The following SPATA13 variants were observed in gnomAD, a reference collection of about 807,000 sequenced individuals.
SPATA13 encodes the protein spermatogenesis-associated protein 13.
In SPATA13, 50 loss-of-function variants were observed where a neutral mutation model predicts 104.0. The observed-to-expected ratio is 0.48, with a 90% CI of 0.38 to 0.61. SPATA13 has a LOEUF of 0.61. SPATA13 is among the 20% of genes least tolerant of loss of function. The probability of loss-of-function intolerance (pLI) is 0.00; values close to 1 mark genes in which losing one functional copy is unlikely to be tolerated. For missense variants in SPATA13, 1,524 were observed against 1,690.6 expected, an observed-to-expected ratio of 0.90 and a Z score of 1.73; for synonymous variants, 606 against 667.5, an observed-to-expected ratio of 0.91 and a Z score of 1.42.
chr13:24,118,481 C>A (rs1449173799), intron 3 of SPATA13, among the ~76,000 whole-genome samples: 4 of 152,188 alleles, frequency 2.6e-5, no homozygotes, highest in Non-Finnish European at 4.4e-5. Flanking sequence ...AGAATCATTA[C>A]AAAGCACATG....
At chr13:24,279,285 G>A (rs1338273213) in intron 4 of SPATA13, among the ~76,000 whole-genome samples, 1 of 152,156 alleles carries the variant, frequency 6.6e-6, no homozygotes, top group Admixed American at 6.5e-5. Flanking sequence ...GAGTGCCTGC[G>A]GTCTTTGCAG....
chr13:24,206,306 A>C (rs1226475039), intron 1 of SPATA13, among the ~76,000 whole-genome samples: 1 of 152,202 alleles, frequency 6.6e-6, no homozygotes, highest in East Asian at 1.9e-4. Flanking sequence ...ACAAAACATG[A>C]AAAAAAGCTC....
In SPATA13 at chr13:24,296,463, C is replaced by T. The variant is rs143952386; in HGVS notation, c.3211-900C>T. ...GTGTGTTTTTCTTTTTGATTTTGGA[C>T]GCTGACATTTAGGGGATAATTTGTC... On this transcript the variant is annotated intron_variant, in intron 10 of 12. Coordinates refer to ENST00000382108, the MANE Select transcript of SPATA13 (RefSeq NM_001166271.3). Among the ~76,000 whole-genome samples the T allele has an allele frequency of 2.7e-3, 412 of 152,276 alleles. 5 individuals carry two copies. The highest frequency in any genetic ancestry group is 9.3e-3 in the African/African-American group (388 of 41,544).
At chr13:24,099,055 T>C (rs1297807956) in intron 3 of SPATA13, among the ~76,000 whole-genome samples, 1 of 152,204 alleles carries the variant, frequency 6.6e-6, no homozygotes, top group Non-Finnish European at 1.5e-5. Flanking sequence ...GCTTCACTCC[T>C]GCCTAGGTGA....
chr13:24,207,354 C>T (rs868495421), intron 1 of SPATA13, among the ~76,000 whole-genome samples: 2 of 152,166 alleles, frequency 1.3e-5, no homozygotes, highest in Non-Finnish European at 2.9e-5. Flanking sequence ...CTGCACATCC[C>T]GCACATGTAC....
At chr13:24,018,993 A>C (rs1009197106) in intron 3 of SPATA13, among the ~76,000 whole-genome samples, 1 of 152,190 alleles carries the variant, frequency 6.6e-6, no homozygotes, top group Non-Finnish European at 1.5e-5. Flanking sequence ...GATTGAGTGG[A>C]TCTCAACAGA....
intron 3 of SPATA13, among the ~76,000 whole-genome samples, chr13:24,027,980 T>C (rs1886802): frequency 0.42 from 64,494 of 152,098 alleles, 14,812 homozygotes; most frequent in Non-Finnish European, 0.52. Flanking sequence ...GTTTTTGTTA[T>C]AATTCTGTTT....
At position 24,142,639 on chromosome 13, in the gene SPATA13, T is replaced by G. The variant is rs561027306; in HGVS notation, c.-111-80180T>G. On this transcript the variant is annotated intron_variant, in intron 3 of 14. Coordinates refer to the SPATA13 transcript ENST00000424834. ...AGGTAATTACTACTCTTCAACAACT[T>G]TTTTCCTCCTCCCCCTTTCCTCTTC... Among the ~76,000 whole-genome samples, 3 of 152,140 alleles carry G rather than the reference T, an allele frequency of 2.0e-5. No homozygotes were observed. The South Asian group carries it at 6.2e-4, about 32-fold the overall frequency.
chr13:24,064,991 C>CAGGAGACTA (rs11282008), intron 3 of SPATA13, among the ~76,000 whole-genome samples: 135,152 of 151,926 alleles, frequency 0.89, 60,954 homozygotes, highest in South Asian at 0.99. Flanking sequence ...TCACAGGCCA[C>CAGGAGACTA]AGGAGCCAGG....
chr13:24,077,639 C>G (rs916447311), intron 3 of SPATA13, among the ~76,000 whole-genome samples: 1 of 151,844 alleles, frequency 6.6e-6, no homozygotes, highest in Non-Finnish European at 1.5e-5. Flanking sequence ...AAAAAAAAGA[C>G]AAAACAGAAT....
intron 1 of SPATA13, among the ~76,000 whole-genome samples, chr13:24,199,325 C>A (rs1023869798): frequency 6.6e-6 from 1 of 152,162 alleles, no homozygotes; most frequent in Non-Finnish European, 1.5e-5. Flanking sequence ...TGCTAGATGG[C>A]CTGTTCTCTG....
At chr13:23,980,280 C>T (rs921926778) in intron 1 of SPATA13, among the ~76,000 whole-genome samples, 26 of 152,342 alleles carry the variant, frequency 1.7e-4, no homozygotes, top group Middle Eastern at 6.8e-3. Context: ...CAAAGCCAGC[C>T]TGGCGGTCGC....
intron 3 of SPATA13, among the ~76,000 whole-genome samples, chr13:24,108,663 G>A (rs200422744): frequency 2.0e-5 from 3 of 151,650 alleles, no homozygotes; most frequent in African/African-American, 4.8e-5. Flanking sequence ...TCATGGTAGG[G>A]GGGGGGAAGC....
In SPATA13 at chr13:24,302,581, C is replaced by T; in HGVS notation, c.3659-17C>T. The T allele has an allele frequency of 6.4e-7, 1 of 1,563,086 alleles. No homozygotes were observed. The highest frequency in any genetic ancestry group is 1.2e-5 in the South Asian group (1 of 85,100). On this transcript the variant is annotated splice_polypyrimidine_tract_variant and intron_variant, in intron 12 of 12. Transcript: ENST00000382108. ...GACCCTCAGTCCCTGTTCCATCTCTCTCCCCTCCCGAGTCAGGCTACAACA... is the reference window on the plus strand; with the variant it reads ...GACCCTCAGTCCCTGTTCCATCTCTTTCCCCTCCCGAGTCAGGCTACAACA...
At chr13:24,069,755 A>G (rs1879093798) in intron 3 of SPATA13, among the ~76,000 whole-genome samples, 1 of 152,324 alleles carries the variant, frequency 6.6e-6, no homozygotes, top group South Asian at 2.1e-4. Flanking sequence ...TCTTTGTTTG[A>G]TCATTTATTC....
rs116402752 is a variant in SPATA13 at position 24,104,010 on chromosome 13, C to T, written c.-112+86309C>T. ...CCAGCACTTTCAATGCTTACTTACTCTTTTCCTGCAGCCTTTCTCATTGAT... is the reference window on the plus strand; with the variant it reads ...CCAGCACTTTCAATGCTTACTTACTTTTTTCCTGCAGCCTTTCTCATTGAT... On this transcript the variant is annotated intron_variant, in intron 3 of 14. Transcript: ENST00000424834. 4.5e-3 allele frequency among the ~76,000 whole-genome samples: 688 copies of T among 152,300 alleles called. 4 individuals carry two copies. Among genetic ancestry groups the T allele is most frequent in the African/African-American group, 0.016 (656 of 41,558 alleles).
chr13:24,220,901 G>A (rs1871544316), intron 1 of SPATA13, among the ~76,000 whole-genome samples: 1 of 152,212 alleles, frequency 6.6e-6, no homozygotes, highest in African/African-American at 2.4e-5. Flanking sequence ...GTTTCTGTTT[G>A]CATGGGGTCA....
At chr13:24,144,345 G>A (rs1881863469) in intron 3 of SPATA13, among the ~76,000 whole-genome samples, 1 of 152,182 alleles carries the variant, frequency 6.6e-6, no homozygotes, top group African/African-American at 2.4e-5. Flanking sequence ...CATCAAGATG[G>A]ATAATGAAAG....
intron 2 of SPATA13, among the ~76,000 whole-genome samples, chr13:24,014,879 A>ATTTTTTTTTTTTTTT (rs10566756): frequency 2.5e-5 from 2 of 78,698 alleles, no homozygotes; most frequent in Non-Finnish European, 2.4e-5. Context: ...CACTTTCTGG[A>ATTTTTTTTTTTTTTT]TTTTTTTTTT....
Sources: gnomAD v4.1 joint callset for allele counts (sites outside exome capture counted in the v4.1 genomes callset) on GRCh38, gnomAD v4.1.1 for gene constraint, MANE v1.5 for transcripts, NCBI Gene and HGNC (gene_info 2026-07-23, HGNC 2026-07-21) for gene names.